NEBL: variants seen among roughly 807,000 people sequenced by gnomAD.
NEBL encodes LIM and SH3 protein 2.
NEBL carries 122 observed loss-of-function variants against 140.2 expected under a neutral mutation model. That is an observed-to-expected ratio of 0.87 (90% confidence interval 0.75 to 1.01). NEBL has a LOEUF of 1.01. NEBL is among the 50% of genes least tolerant of loss of function. The pLI is 0.00. For missense variants in NEBL, 1,365 were observed against 1,231.3 expected, an observed-to-expected ratio of 1.11 and a Z score of -1.62; for synonymous variants, 436 against 398.9, an observed-to-expected ratio of 1.09 and a Z score of -1.11.
chr10:20,805,970 A>G (rs1368129956), intron 26 of NEBL, among the ~76,000 whole-genome samples: 2 of 152,224 alleles, frequency 1.3e-5, no homozygotes, highest in Non-Finnish European at 2.9e-5. Context: ...CTTTAAAAAA[A>G]AATATGATTA....
chr10:21,053,848 T>C (rs1041202976), intron 2 of NEBL, among the ~76,000 whole-genome samples: 14 of 152,016 alleles, frequency 9.2e-5, no homozygotes, highest in Non-Finnish European at 1.9e-4. Context: ...GCCTGGACAA[T>C]GTGGTGAAGC....
chr10:21,168,515 G>A (rs752502234), intron 2 of NEBL, among the ~76,000 whole-genome samples: 23 of 152,138 alleles, frequency 1.5e-4, no homozygotes, highest in Middle Eastern at 3.4e-3. Flanking sequence ...AAGTATGAGC[G>A]CTGATTGGAT....
At chr10:21,027,945 A>C (rs917357679) in intron 2 of NEBL, among the ~76,000 whole-genome samples, 1 of 152,100 alleles carries the variant, frequency 6.6e-6, no homozygotes, top group Non-Finnish European at 1.5e-5. Context: ...AAATAGGCCA[A>C]GTGCAGTGGC....
chr10:20,995,290 C>T (rs963326387), intron 3 of NEBL, among the ~76,000 whole-genome samples: 2 of 152,180 alleles, frequency 1.3e-5, no homozygotes, highest in African/African-American at 4.8e-5. Flanking sequence ...TGTTTCCAGT[C>T]CCTGGGGGTG....
chr10:20,867,317 T>A (rs551867293), intron 7 of NEBL, among the ~76,000 whole-genome samples: 4 of 152,242 alleles, frequency 2.6e-5, no homozygotes, highest in Admixed American at 2.6e-4. Flanking sequence ...TTTCATTTGT[T>A]CGGGACTTAT....
chr10:21,236,475 G>A (rs1564547630), intron 3 of NEBL, among the ~76,000 whole-genome samples: 2 of 150,984 alleles, frequency 1.3e-5, no homozygotes, highest in Non-Finnish European at 1.5e-5. Context: ...AGCCTTCCGA[G>A]TAGCTGGGAC....
At chr10:21,058,233 T>G (rs894255748) in intron 2 of NEBL, among the ~76,000 whole-genome samples, 2 of 152,224 alleles carry the variant, frequency 1.3e-5, no homozygotes, top group African/African-American at 4.8e-5. Context: ...CTTGTGTCCT[T>G]GCATTCTGCC....
At chr10:20,947,267 G>A (rs1229908305) in intron 4 of NEBL, among the ~76,000 whole-genome samples, 1 of 152,164 alleles carries the variant, frequency 6.6e-6, no homozygotes, top group Non-Finnish European at 1.5e-5. Context: ...GAGAGCATTA[G>A]GGGAGTTGTA....
At chr10:21,082,146 C>G (rs749691032) in intron 2 of NEBL, among the ~76,000 whole-genome samples, 2 of 152,070 alleles carry the variant, frequency 1.3e-5, no homozygotes, top group African/African-American at 2.4e-5. Flanking sequence ...AGGAACTTAA[C>G]TGGGCTTCAA....
rs386370893 is a variant in NEBL at position 20,860,567 on chromosome 10, G to GA, written c.685-742dup. On this transcript the variant is annotated intron_variant, in intron 7 of 27. Transcript: ENST00000377122. Reference sequence around the variant, plus strand: ...TATAAACACAAGTTCACTACAAAAAGAAAAAAAAAAAAAAAAAAAACCTAG... The same window carrying GA: ...TATAAACACAAGTTCACTACAAAAAGAAAAAAAAAAAAAAAAAAAAACCTAG... Among the ~76,000 whole-genome samples the GA allele has an allele frequency of 4.3e-4, 51 of 118,118 alleles. 1 individual carries two copies. The highest frequency in any genetic ancestry group is 1.5e-3 in the African/African-American group (42 of 28,786). The allele number at this position is 118,118 out of a possible 152,430, so 77.5% of individuals were successfully genotyped here.
chr10:21,061,808 G>A (rs1835319387), intron 2 of NEBL, among the ~76,000 whole-genome samples: 1 of 151,900 alleles, frequency 6.6e-6, no homozygotes, highest in African/African-American at 2.4e-5. Context: ...CTGCTTGGCA[G>A]GGGTTTCTCC....
chr10:21,158,035 G>C (rs766569254), intron 2 of NEBL, among the ~76,000 whole-genome samples: 4 of 152,178 alleles, frequency 2.6e-5, no homozygotes, highest in Non-Finnish European at 2.9e-5. Flanking sequence ...TTAGATTTCG[G>C]ACTTTTAGTC....
chr10:21,198,165 T>C (rs1589325457), intron 3 of NEBL, among the ~76,000 whole-genome samples: 1 of 152,222 alleles, frequency 6.6e-6, no homozygotes, highest in East Asian at 1.9e-4. Flanking sequence ...ACCAGTTTCT[T>C]CCCTGTATTT....
intron 2 of NEBL, among the ~76,000 whole-genome samples, chr10:21,138,707 G>A (rs561706162): frequency 5.9e-5 from 9 of 152,068 alleles, no homozygotes; most frequent in African/African-American, 2.2e-4. Context: ...GCTCCGAGAG[G>A]TTTGGTAACT....
chr10:21,089,821 A>G (rs1836827823), intron 2 of NEBL, among the ~76,000 whole-genome samples: 1 of 138,758 alleles, frequency 7.2e-6, no homozygotes, highest in Non-Finnish European at 1.5e-5. Context: ...AGTTAAAATA[A>G]GAAACATGAA....
chr10:20,839,632 C>T (rs532856108), intron 13 of NEBL, among the ~76,000 whole-genome samples: 2 of 152,214 alleles, frequency 1.3e-5, no homozygotes, highest in East Asian at 3.9e-4. Context: ...ATGTTTTAAA[C>T]ACATAAAAAT....
chr10:21,086,601 A>T (rs1836643010), intron 2 of NEBL, among the ~76,000 whole-genome samples: 1 of 152,100 alleles, frequency 6.6e-6, no homozygotes, highest in Non-Finnish European at 1.5e-5. Flanking sequence ...AACATGGTGA[A>T]ACCCTATCTT....
At chr10:20,934,316 G>T (rs185848424) in intron 4 of NEBL, among the ~76,000 whole-genome samples, 2 of 152,240 alleles carry the variant, frequency 1.3e-5, no homozygotes, top group Admixed American at 1.3e-4. Flanking sequence ...GATATATAAA[G>T]TGTTTGGGAC....
intron 3 of NEBL, chr10:21,020,080 A>G (rs371952998): frequency 1.3e-4 from 196 of 1,543,102 alleles, no homozygotes; most frequent in Non-Finnish European, 1.7e-4. Context: ...AAAAATCTTT[A>G]GGGCCAAGGG....
Sources: gnomAD v4.1 joint callset for allele counts (sites outside exome capture counted in the v4.1 genomes callset) on GRCh38, gnomAD v4.1.1 for gene constraint, MANE v1.5 for transcripts, NCBI Gene and HGNC (gene_info 2026-07-23, HGNC 2026-07-21) for gene names.